Variants in CFAP77 observed in about 807,000 individuals in gnomAD.
CFAP77 encodes the protein cilia- and flagella-associated protein 77.
A neutral mutation model predicts 31.1 loss-of-function variants in CFAP77; 25 were observed. The observed-to-expected ratio is 0.80, with a 90% CI of 0.59 to 1.12. CFAP77 has a LOEUF of 1.12. CFAP77 is among the 50% of genes most tolerant of loss of function. CFAP77 has a pLI of 0.00. For missense variants in CFAP77, 377 were observed against 397.3 expected (o/e 0.95, Z 0.44); for synonymous variants, 151 against 159.9 (o/e 0.94, Z 0.42).
chr9:132,483,427 C>T (rs1373353928), intron 1 of CFAP77, among the ~76,000 whole-genome samples: 1 of 152,176 alleles, frequency 6.6e-6, no homozygotes, highest in Non-Finnish European at 1.5e-5. Context: ...GCTCCTCTGA[C>T]CCACGAGGGG....
At chr9:132,460,026 A>C (rs1288919952) in intron 1 of CFAP77, among the ~76,000 whole-genome samples, 1 of 152,152 alleles carries the variant, frequency 6.6e-6, no homozygotes, top group African/African-American at 2.4e-5. Flanking sequence ...GTCTTCATGC[A>C]TCCTTCCATG....
At chr9:132,513,956 T>G (rs965139700) in intron 3 of CFAP77, among the ~76,000 whole-genome samples, 17 of 130,032 alleles carry the variant, frequency 1.3e-4, no homozygotes, top group African/African-American at 4.5e-4. Flanking sequence ...CAGATGACAG[T>G]GAGGAGATCT....
intron 1 of CFAP77, among the ~76,000 whole-genome samples, chr9:132,491,971 A>G (rs1851660480): frequency 6.6e-6 from 1 of 152,254 alleles, no homozygotes; most frequent in Non-Finnish European, 1.5e-5. Flanking sequence ...AGCTCTTCCC[A>G]TAAATCTCAG....
chr9:132,498,258 A>G lies in CFAP77; in HGVS notation c.196-437A>G, dbSNP rs504188. On this transcript the variant is annotated intron_variant, in intron 1 of 5. Transcript: ENST00000393216. The surrounding 1 kb of genome is among the most constrained non-coding windows in gnomAD (Gnocchi z 4.2). ...GACAATGGTTTGAGTGGTCCCTGGT[A>G]TGAGGAAGGTGGGAATGAAGGTAGG... is the stretch of plus-strand genomic sequence containing the variant. Among the ~76,000 whole-genome samples the G allele has an allele frequency of 0.27, 40,660 of 151,866 alleles. 5,915 individuals are homozygous for G. The highest frequency in any genetic ancestry group is 0.39 in the African/African-American group (16,059 of 41,368).
chr9:132,456,148 G>A lies in CFAP77; in HGVS notation c.196-42547G>A, dbSNP rs116405663. 1.5e-3 allele frequency among the ~76,000 whole-genome samples: 221 copies of A among 152,274 alleles called. 1 individual carries two copies. Among genetic ancestry groups the A allele is most frequent in the African/African-American group, 5.1e-3 (214 of 41,562 alleles). ...ACGAGACAGGTGAGCTGCCTCTCTC[G>A]TGGTTACATTTGAATGGAGAAAGAC... On this transcript the variant is annotated intron_variant, in intron 1 of 5. Coordinates refer to ENST00000393216, the MANE Select transcript of CFAP77 (RefSeq NM_001282957.2).
chr9:132,531,188 C>T (rs1453290264), intron 3 of CFAP77, among the ~76,000 whole-genome samples: 1 of 152,206 alleles, frequency 6.6e-6, no homozygotes, highest in Non-Finnish European at 1.5e-5. Context: ...CTGTCTCCTT[C>T]CCCCCTTCCC....
intron 1 of CFAP77, among the ~76,000 whole-genome samples, chr9:132,469,914 A>G (rs1055673720): frequency 6.8e-6 from 1 of 147,356 alleles, no homozygotes; most frequent in Non-Finnish European, 1.5e-5. Flanking sequence ...ATCACGGCTC[A>G]CCACAACCTC....
intron 3 of CFAP77, among the ~76,000 whole-genome samples, chr9:132,529,833 A>AAAAAG (rs779281338): frequency 2.7e-4 from 40 of 149,760 alleles, no homozygotes; most frequent in East Asian, 2.3e-3. Flanking sequence ...TCAAAAAAAA[A>AAAAAG]AAAAGAAAAG....
rs1315567298 is a variant in CFAP77 at position 132,439,573 on chromosome 9, G to A, written c.195+29107G>A. Among the ~76,000 whole-genome samples the A allele has an allele frequency of 8.5e-5, 13 of 152,050 alleles. No homozygotes were observed. The South Asian group carries it at 1.9e-3, about 22-fold the overall frequency. On this transcript the variant is annotated intron_variant, in intron 1 of 5. Transcript: ENST00000393216. Reference sequence around the variant, plus strand: ...GTAAGATGCTCTAATCTGGCCGGGAGTGGTGGCTCACACCTGTAATCCCAG... The same window carrying A: ...GTAAGATGCTCTAATCTGGCCGGGAATGGTGGCTCACACCTGTAATCCCAG...
chr9:132,425,578 T>C (rs769211394), intron 1 of CFAP77, among the ~76,000 whole-genome samples: 2 of 152,084 alleles, frequency 1.3e-5, no homozygotes, highest in Non-Finnish European at 2.9e-5. Context: ...CTTGCTTGTG[T>C]TTTTTCCCCC....
chr9:132,536,142 A>G (rs1852539127), intron 3 of CFAP77, among the ~76,000 whole-genome samples: 1 of 152,034 alleles, frequency 6.6e-6, no homozygotes, highest in African/African-American at 2.4e-5. Flanking sequence ...AGGGGTGCTT[A>G]TTTAGTTTTC....
intron 5 of CFAP77, among the ~76,000 whole-genome samples, chr9:132,563,157 C>T (rs1313819371): frequency 6.6e-6 from 1 of 151,936 alleles, no homozygotes; most frequent in Non-Finnish European, 1.5e-5. Context: ...TACCTGGGAC[C>T]ACAGGTGGAT....
At position 132,554,967 on chromosome 9, in the gene CFAP77, T is replaced by C. The variant is rs1262721907; in HGVS notation, c.732+11920T>C. On this transcript the variant is annotated intron_variant, in intron 5 of 5. Transcript: ENST00000393216. The surrounding 1 kb of genome is among the most constrained non-coding windows in gnomAD (Gnocchi z 4.1). ...ATCCATCCATCCATCCATCCATCCA[T>C]CCATCCATCCATCCATCCATCCTCA... is the stretch of plus-strand genomic sequence containing the variant. Among the ~76,000 whole-genome samples the C allele has an allele frequency of 6.6e-6, 1 of 151,680 alleles. No individual in the cohort carries two copies. The highest frequency in any genetic ancestry group is 1.5e-5 in the Non-Finnish European group (1 of 67,956).
intron 3 of CFAP77, among the ~76,000 whole-genome samples, chr9:132,531,297 C>A (rs1277190595): frequency 6.6e-6 from 1 of 152,186 alleles, no homozygotes; most frequent in African/African-American, 2.4e-5. Flanking sequence ...TAAACCATAC[C>A]CGCCCTCGTG....
At chr9:132,412,281 C>T (rs1564195239) in intron 1 of CFAP77, among the ~76,000 whole-genome samples, 1 of 152,230 alleles carries the variant, frequency 6.6e-6, no homozygotes, top group African/African-American at 2.4e-5. Context: ...CGTCCAGGCT[C>T]GTGCTCTCTG....
intron 1 of CFAP77, among the ~76,000 whole-genome samples, chr9:132,440,278 A>G (rs1241586657): frequency 1.3e-5 from 2 of 152,134 alleles, no homozygotes; most frequent in African/African-American, 4.8e-5. Flanking sequence ...ACGCGGCTAC[A>G]GTGAGCCATG....
chr9:132,567,196 G>A (rs1008898253), intron 5 of CFAP77, among the ~76,000 whole-genome samples: 3 of 152,216 alleles, frequency 2.0e-5, no homozygotes, highest in African/African-American at 7.2e-5. Flanking sequence ...GTGCCAAAAT[G>A]TGTGTGGTTA....
intron 1 of CFAP77, among the ~76,000 whole-genome samples, chr9:132,486,576 A>G (rs778237973): frequency 2.6e-5 from 4 of 152,162 alleles, no homozygotes; most frequent in Non-Finnish European, 4.4e-5. Context: ...AATATATCCA[A>G]TCAAGGTATT....
intron 3 of CFAP77, among the ~76,000 whole-genome samples, chr9:132,535,518 C>T (rs1421513251): frequency 1.3e-5 from 2 of 152,050 alleles, no homozygotes; most frequent in African/African-American, 4.8e-5. Flanking sequence ...TTGAGACCAG[C>T]CTAGTCAACA....
Sources: allele counts gnomAD v4.1 joint callset (sites outside exome capture counted in the v4.1 genomes callset), GRCh38; gene constraint gnomAD v4.1.1; non-coding constraint Gnocchi (gnomAD v3.1); transcripts MANE v1.5; gene names NCBI Gene and HGNC (gene_info 2026-07-23, HGNC 2026-07-21).